The following CHN2 variants were observed in gnomAD, a reference collection of about 807,000 sequenced individuals.
CHN2 encodes the protein beta-chimaerin.
In CHN2, 35 loss-of-function variants were observed where a neutral mutation model predicts 56.3. The ratio of observed to expected loss-of-function variants is 0.62; its 90% CI spans 0.47 to 0.82. The LOEUF (loss-of-function observed/expected upper bound fraction) is 0.82. Among genes scored for constraint, CHN2 ranks in the 40% least tolerant of loss-of-function variants. The probability of loss-of-function intolerance (pLI) is 0.00; values close to 1 mark genes in which losing one functional copy is unlikely to be tolerated. For missense variants in CHN2, 491 were observed against 580.5 expected, an observed-to-expected ratio of 0.85 and a Z score of 1.58; for synonymous variants, 210 against 212.8, an observed-to-expected ratio of 0.99 and a Z score of 0.12.
rs796308692 is a variant in CHN2 at position 29,310,301 on chromosome 7, G to T, written c.50-44324G>T. ...TGGAATACTTGAAGCCATTAAAATT[G>T]AACATGTAGAAGAATATTGAATGAA... is the stretch of plus-strand genomic sequence containing the variant. On this transcript the variant is annotated intron_variant, in intron 1 of 12. Coordinates refer to ENST00000222792, the MANE Select transcript of CHN2 (RefSeq NM_004067.4). Among the ~76,000 whole-genome samples the T allele has an allele frequency of 7.9e-5, 12 of 152,248 alleles. 1 individual carries two copies. The highest frequency in any genetic ancestry group is 2.9e-4 in the African/African-American group (12 of 41,556).
intron 1 of CHN2, among the ~76,000 whole-genome samples, chr7:29,264,997 A>G (rs560183465): frequency 6.6e-6 from 1 of 152,300 alleles, no homozygotes; most frequent in South Asian, 2.1e-4. Context: ...TTTCTCTGAA[A>G]TCATAGTGAA....
intron 1 of CHN2, among the ~76,000 whole-genome samples, chr7:29,343,873 G>A (rs1797233013): frequency 6.6e-6 from 1 of 152,144 alleles, no homozygotes; most frequent in East Asian, 1.9e-4. Context: ...TTTCTGAACT[G>A]CAGGTCTCTT....
chr7:29,280,683 T>C (rs1019043505), intron 1 of CHN2, among the ~76,000 whole-genome samples: 1 of 152,192 alleles, frequency 6.6e-6, no homozygotes, highest in African/African-American at 2.4e-5. Flanking sequence ...AGCCATAAAC[T>C]TGGAACGTGA....
chr7:29,432,238 C>T (rs973533905), intron 6 of CHN2, among the ~76,000 whole-genome samples: 5 of 152,114 alleles, frequency 3.3e-5, no homozygotes, highest in Admixed American at 1.3e-4. Flanking sequence ...GCTATTCCTA[C>T]GGTGAAACAT....
At chr7:29,392,794 T>C (rs545434385) in intron 3 of CHN2, among the ~76,000 whole-genome samples, 1 of 152,210 alleles carries the variant, frequency 6.6e-6, no homozygotes, top group African/African-American at 2.4e-5. Flanking sequence ...AAGAAATGAC[T>C]GTGAATAAAA....
At chr7:29,334,948 A>G (rs1796503262) in intron 1 of CHN2, among the ~76,000 whole-genome samples, 1 of 152,222 alleles carries the variant, frequency 6.6e-6, no homozygotes, top group Admixed American at 6.5e-5. Flanking sequence ...TTTCTAAGAC[A>G]TTACTGACAC....
chr7:29,340,873 G>A (rs971247455), intron 1 of CHN2, among the ~76,000 whole-genome samples: 1 of 152,200 alleles, frequency 6.6e-6, no homozygotes, highest in African/African-American at 2.4e-5. Context: ...ACAACTGCTG[G>A]CACCCACATG....
At chr7:29,491,435 A>G (rs1229291797) in intron 7 of CHN2, among the ~76,000 whole-genome samples, 6 of 151,912 alleles carry the variant, frequency 3.9e-5, no homozygotes, top group Non-Finnish European at 8.8e-5. Flanking sequence ...GAGAGAGACA[A>G]TCTCAGTCTG....
At chr7:29,306,375 A>C (rs1794168571) in intron 1 of CHN2, among the ~76,000 whole-genome samples, 1 of 152,232 alleles carries the variant, frequency 6.6e-6, no homozygotes, top group African/African-American at 2.4e-5. Flanking sequence ...ATGCAAAAGA[A>C]AGGAGGAACG....
intron 3 of CHN2, among the ~76,000 whole-genome samples, chr7:29,370,454 C>T (rs531901190): frequency 1.1e-3 from 170 of 152,242 alleles, no homozygotes; most frequent in African/African-American, 4.0e-3. Context: ...ATTTTTTCTA[C>T]GTACGTTTTC....
intron 2 of CHN2, among the ~76,000 whole-genome samples, chr7:29,155,520 A>G (rs919528937): frequency 6.6e-6 from 1 of 152,316 alleles, no homozygotes; most frequent in East Asian, 1.9e-4. Context: ...ATGTTCAAAC[A>G]TGTGTCCAAG....
At chr7:29,147,187 G>T in intron 2 of CHN2, 1 of 580,912 alleles carries the variant, frequency 1.7e-6, no homozygotes, top group Non-Finnish European at 2.9e-6. Context: ...GACAGTACGG[G>T]AGCAAGAACT....
In CHN2 at chr7:29,400,577, C is replaced by A. The variant is rs1335563769; in HGVS notation, c.325C>A (p.His109Asn). The A allele has an allele frequency of 2.5e-6, 4 of 1,614,052 alleles. No homozygotes were observed. Among genetic ancestry groups the A allele is most frequent in the Non-Finnish European group, 3.4e-6 (4 of 1,180,054 alleles). ...CCAGACCTTAAACTACAGGCTCTTC[C>A]ACGACGGGAAACACTTTGTGGGTGA... ...GNQTLNYRLF[H>N]DGKHFVGEKR... Residue 109 changes from histidine (H) to asparagine (N), a missense_variant, in exon 6 of 13, where the codon CAC (histidine) becomes AAC (asparagine). By Grantham distance (68) the His-to-Asn change is moderately conservative (BLOSUM62 1). Transcript: ENST00000222792.
At chr7:29,156,541 T>C (rs1294218581) in intron 2 of CHN2, among the ~76,000 whole-genome samples, 1 of 152,162 alleles carries the variant, frequency 6.6e-6, no homozygotes, top group Non-Finnish European at 1.5e-5. Context: ...GGGGCTGAAA[T>C]TTTGCCCTGA....
chr7:29,304,723 CT>C (rs754242909), intron 1 of CHN2, among the ~76,000 whole-genome samples: 1 of 152,176 alleles, frequency 6.6e-6, no homozygotes, highest in Non-Finnish European at 1.5e-5. Flanking sequence ...AAACTGTGTG[CT>C]ATGTTCTAAA....
intron 1 of CHN2, among the ~76,000 whole-genome samples, chr7:29,305,822 C>CCTCCTCCTCCTCCTCGTCTTT (rs59139735): frequency 0.11 from 15,677 of 138,072 alleles, 983 homozygotes; most frequent in South Asian, 0.21. Context: ...TCGTCTTTCT[C>CCTCCTCCTCCTCCTCGTCTTT]CTCCTCCTCC....
rs142125100 is a variant in CHN2, at chr7:29,391,742, G to A, written c.145-1937G>A. Among the ~76,000 whole-genome samples, 189 of 152,240 alleles carry A rather than the reference G, an allele frequency of 1.2e-3. 1 individual carries two copies. Among genetic ancestry groups the A allele is most frequent in the African/African-American group, 4.2e-3 (175 of 41,532 alleles). On this transcript the variant is annotated intron_variant, in intron 3 of 12. Coordinates refer to ENST00000222792, the MANE Select transcript of CHN2 (RefSeq NM_004067.4). ...CTGCAAGTGCAGAACACCCCTGAGCGCCTCATACCTTTCCTCTCTGCACCT... is the reference window on the plus strand; with the variant it reads ...CTGCAAGTGCAGAACACCCCTGAGCACCTCATACCTTTCCTCTCTGCACCT...
chr7:29,254,686 G>A (rs977792621), intron 1 of CHN2, among the ~76,000 whole-genome samples: 19 of 152,040 alleles, frequency 1.2e-4, no homozygotes, highest in Admixed American at 7.2e-4. Context: ...GAATCTCTGC[G>A]AGCTGCCCCA....
chr7:29,259,542 C>T (rs1442439377), intron 1 of CHN2, among the ~76,000 whole-genome samples: 3 of 151,922 alleles, frequency 2.0e-5, no homozygotes, highest in South Asian at 2.1e-4. Flanking sequence ...AATATATATA[C>T]ATATGTCATA....
Sources: gnomAD v4.1 joint callset for allele counts (sites outside exome capture counted in the v4.1 genomes callset) on GRCh38, gnomAD v4.1.1 for gene constraint, MANE v1.5 for transcripts, NCBI Gene and HGNC (gene_info 2026-07-23, HGNC 2026-07-21) for gene names.